PCDH19: variants seen among roughly 807,000 people sequenced by gnomAD.
The protein encoded by PCDH19 is protocadherin-19.
A neutral mutation model predicts 46.2 loss-of-function variants in PCDH19; 6 were observed. The ratio of observed to expected loss-of-function variants is 0.13; its 90% CI spans 0.07 to 0.26. PCDH19 has a LOEUF of 0.26. Ranked by LOEUF, PCDH19 falls within the 10% of genes least tolerant of loss-of-function variation. The pLI, the probability that PCDH19 is intolerant of heterozygous loss-of-function variation, is 1.00. For missense variants in PCDH19, 740 were observed against 972.3 expected, an observed-to-expected ratio of 0.76 and a Z score of 3.18; for synonymous variants, 481 against 415.7, an observed-to-expected ratio of 1.16 and a Z score of -1.91.
In PCDH19 at chrX:100,295,995, T is replaced by G. The variant is rs2147445109; in HGVS notation, c.*282A>C. On this transcript the variant is annotated 3_prime_UTR_variant, in exon 6 of 6. Transcript: ENST00000373034. ...TAGAAAAATATATAAATTCAAACAC[T>G]TAATACATAATACTTTTCACAACTG... 2.9e-6 allele frequency: 1 copy of G among 350,642 alleles called. No homozygotes were observed. Among genetic ancestry groups the G allele is most frequent in the South Asian group, 6.9e-5 (1 of 14,519 alleles). 28.9% of individuals were successfully genotyped at this position (350,642 alleles called of 1,213,427 possible).
At chrX:100,360,077 A>G (rs772859774) in intron 3 of PCDH19, among the ~76,000 whole-genome samples, 1 of 111,949 alleles carries the variant, frequency 8.9e-6, no homozygotes, top group Non-Finnish European at 1.9e-5. Context: ...TGTCAGCTGA[A>G]AAGACTTTCA....
chrX:100,405,528 C>T, intron 1 of PCDH19, among the ~76,000 whole-genome samples: 1 of 107,599 alleles, frequency 9.3e-6, no homozygotes. Context: ...TCTTTTCTCC[C>T]TTTTCCTCCC....
Position 100,322,848 on chromosome X carries a change from TA to T in PCDH19, c.2848+19054del. Among the ~76,000 whole-genome samples the T allele has an allele frequency of 1.0e-4, 6 of 57,880 alleles. 1 individual carries two copies. The highest frequency in any genetic ancestry group is 5.0e-4 in the African/African-American group (6 of 12,053). The allele number at this position is 57,880 out of a possible 115,157, so 50.3% of individuals were successfully genotyped here. On this transcript the variant is annotated intron_variant, in intron 5 of 5. Coordinates refer to ENST00000373034, the MANE Select transcript of PCDH19 (RefSeq NM_001184880.2). The stretch of plus-strand genomic sequence containing the variant: ...ATATTCCTAAGTATATATATATATA[TA>T]TATATATATATATATATTTTTGCAG...
intron 3 of PCDH19, among the ~76,000 whole-genome samples, chrX:100,366,974 T>C (rs1457571727): frequency 8.9e-6 from 1 of 112,338 alleles, no homozygotes; most frequent in East Asian, 2.8e-4. Flanking sequence ...AAAAAGTCAC[T>C]GAAGATCCTG....
chrX:100,334,417 T>C (rs1223342772), intron 5 of PCDH19, among the ~76,000 whole-genome samples: 1 of 112,034 alleles, frequency 8.9e-6, no homozygotes, highest in Admixed American at 9.5e-5. Context: ...CTCTTGCAAA[T>C]ATAAGTTTAA....
At chrX:100,335,983 T>G (rs1038883569) in intron 5 of PCDH19, among the ~76,000 whole-genome samples, 3 of 112,263 alleles carry the variant, frequency 2.7e-5, no homozygotes, top group Non-Finnish European at 5.6e-5. Context: ...GGGAAAGAAA[T>G]AACCACATGA....
At chrX:100,339,552 T>C (rs1370815717) in intron 5 of PCDH19, among the ~76,000 whole-genome samples, 1 of 112,359 alleles carries the variant, frequency 8.9e-6, no homozygotes, top group Admixed American at 9.4e-5. Flanking sequence ...GATATTAAAA[T>C]GCTATGAAAT....
chrX:100,385,442 A>G (rs1048276917), intron 3 of PCDH19, among the ~76,000 whole-genome samples: 1 of 112,042 alleles, frequency 8.9e-6, no homozygotes, highest in African/African-American at 3.2e-5. Flanking sequence ...AAATTTATAT[A>G]TAAGGATAGC....
At chrX:100,353,891 A>G (rs1926638933) in intron 3 of PCDH19, among the ~76,000 whole-genome samples, 2 of 111,733 alleles carry the variant, frequency 1.8e-5, no homozygotes, top group Admixed American at 9.5e-5. Context: ...GCGCTAGTCA[A>G]TGTGGCAGGT....
In PCDH19 at chrX:100,322,865, A is replaced by ATTTTTTTTTTT. The variant is rs57520956; in HGVS notation, c.2848+19037_2848+19038insAAAAAAAAAAA. 6.9e-3 allele frequency among the ~76,000 whole-genome samples: 376 copies of ATTTTTTTTTTT among 54,281 alleles called. 13 individuals are homozygous for ATTTTTTTTTTT. Among genetic ancestry groups the ATTTTTTTTTTT allele is most frequent in the South Asian group, 0.017 (22 of 1,271 alleles). The allele number at this position is 54,281 out of a possible 115,157, so 47.1% of individuals were successfully genotyped here. Reference sequence around the variant, plus strand: ...TATATATATATATATATATATATATATTTTTGCAGCTATTGTAAAAGGGGT... The same window carrying ATTTTTTTTTTT: ...TATATATATATATATATATATATATATTTTTTTTTTTTTTTTGCAGCTATTGTAAAAGGGGT... On this transcript the variant is annotated intron_variant, in intron 5 of 5. Transcript: ENST00000373034.
At chrX:100,322,484 G>A (rs1410775438) in intron 5 of PCDH19, among the ~76,000 whole-genome samples, 1 of 111,113 alleles carries the variant, frequency 9.0e-6, no homozygotes, top group Non-Finnish European at 1.9e-5. Context: ...TTATAGTATA[G>A]CTTGAAATCA....
intron 5 of PCDH19, among the ~76,000 whole-genome samples, chrX:100,325,369 CTTT>C (rs72174481): frequency 3.4e-4 from 28 of 81,366 alleles, no homozygotes; most frequent in South Asian, 7.4e-4. Flanking sequence ...CTATAATGAT[CTTT>C]TTTTTTTTTT....
At chrX:100,359,337 A>T (rs1926807886) in intron 3 of PCDH19, among the ~76,000 whole-genome samples, 1 of 111,604 alleles carries the variant, frequency 9.0e-6, no homozygotes, top group Admixed American at 9.5e-5. Flanking sequence ...CAAAGGAAAA[A>T]CTTGGCACAC....
intron 5 of PCDH19, among the ~76,000 whole-genome samples, chrX:100,323,304 C>T (rs1221361494): frequency 9.0e-6 from 1 of 111,419 alleles, no homozygotes; most frequent in Non-Finnish European, 1.9e-5. Flanking sequence ...GGCTTTACTG[C>T]TATAATCTGC....
chrX:100,305,893 T>C (rs1297843143), intron 5 of PCDH19, among the ~76,000 whole-genome samples: 1 of 111,556 alleles, frequency 9.0e-6, no homozygotes, highest in African/African-American at 3.3e-5. Context: ...ATGCACTTAA[T>C]GCTGGAGCTC....
intron 3 of PCDH19, among the ~76,000 whole-genome samples, chrX:100,395,738 T>A (rs191676926): frequency 5.2e-4 from 59 of 113,395 alleles, no homozygotes; most frequent in African/African-American, 1.6e-3. Context: ...GCTGCAGGAA[T>A]GTTCCTCATC....
At chrX:100,350,090 C>A (rs953732288) in intron 4 of PCDH19, among the ~76,000 whole-genome samples, 19 of 112,419 alleles carry the variant, frequency 1.7e-4, no homozygotes, top group Admixed American at 2.8e-4. Flanking sequence ...GGATTGGCTT[C>A]TCTGTCATTA....
In PCDH19 at chrX:100,360,318, C is replaced by T. The variant is rs1352942872; in HGVS notation, c.2617-9614G>A. On this transcript the variant is annotated intron_variant, in intron 3 of 5. Transcript: ENST00000373034. ...AGCCCGTAAAATGTGATCATGCTGA[C>T]AAAAAACAATCAAGTGATAGACCAT... Among the ~76,000 whole-genome samples the T allele has an allele frequency of 7.1e-5, 8 of 112,202 alleles. No individual in the cohort carries two copies. The East Asian group carries it at 2.2e-3, about 31-fold the overall frequency.
rs1569294634 is a variant in PCDH19 at position 100,333,163 on chromosome X, AAGGAAGGAAGG to A, written c.2848+8729_2848+8739del. Among the ~76,000 whole-genome samples, 318 of 40,545 alleles carry A rather than the reference AAGGAAGGAAGG, an allele frequency of 7.8e-3. 7 individuals are homozygous for A. The highest frequency in any genetic ancestry group is 0.012 in the African/African-American group (164 of 14,101). The allele number at this position is 40,545 out of a possible 115,157, so 35.2% of individuals were successfully genotyped here. ...GAAGGAAGGAAGGAAGGAAGGAAGG[AAGGAAGGAAGG>A]GAGAGAGAGAGAAAGAAAGAAAGAA... On this transcript the variant is annotated intron_variant, in intron 5 of 5. Coordinates refer to ENST00000373034, the MANE Select transcript of PCDH19 (RefSeq NM_001184880.2).
Sources: allele counts gnomAD v4.1 joint callset (sites outside exome capture counted in the v4.1 genomes callset), GRCh38; gene constraint gnomAD v4.1.1; transcripts MANE v1.5; gene names NCBI Gene and HGNC (gene_info 2026-07-23, HGNC 2026-07-21).